Variants in ARHGEF7 observed in about 807,000 individuals in gnomAD.
ARHGEF7 encodes PAK-interacting exchange factor beta.
A neutral mutation model predicts 109.8 loss-of-function variants in ARHGEF7; 33 were observed. That is an observed-to-expected ratio of 0.30 (90% CI 0.23 to 0.40). The LOEUF (loss-of-function observed/expected upper bound fraction) is 0.40. Among genes scored for constraint, ARHGEF7 ranks in the 10% least tolerant of loss-of-function variants. The probability of loss-of-function intolerance (pLI) is 1.00; values close to 1 mark genes in which losing one functional copy is unlikely to be tolerated. For synonymous variants in ARHGEF7, 458 were observed against 424.6 expected (o/e 1.08, Z -0.97); for missense variants, 938 against 1,098.5 (o/e 0.85, Z 2.07).
chr13:111,294,100 C>T (rs1011295601), intron 19 of ARHGEF7: 9 of 985,408 alleles, frequency 9.1e-6, no homozygotes, highest in Non-Finnish European at 1.1e-5. Flanking sequence ...GAGGAGCAGT[C>T]AGAGCCCAGT....
In ARHGEF7 at chr13:111,196,867, G is replaced by A. The variant is rs2080569178; in HGVS notation, c.253-8422G>A. Reference sequence around the variant, plus strand: ...TCCCTCTTACAGAAAAGGTCAAGCTGCAGGATAGTATTGTAATTTATACTT... The same window carrying A: ...TCCCTCTTACAGAAAAGGTCAAGCTACAGGATAGTATTGTAATTTATACTT... On this transcript the variant is annotated intron_variant, in intron 2 of 21. Coordinates refer to ENST00000646102, the MANE Select transcript of ARHGEF7 (RefSeq NM_001354046.2). Among the ~76,000 whole-genome samples, 9 of 152,296 alleles carry A rather than the reference G, an allele frequency of 5.9e-5. 1 individual carries two copies. In the South Asian group the frequency reaches 1.9e-3, roughly 32 times the overall value.
intron 8 of ARHGEF7, among the ~76,000 whole-genome samples, chr13:111,264,982 G>C (rs144115611): frequency 6.6e-6 from 1 of 151,886 alleles, no homozygotes; most frequent in Non-Finnish European, 1.5e-5. Context: ...GGCCCAGCTG[G>C]GCATGGTGGT....
intron 2 of ARHGEF7, among the ~76,000 whole-genome samples, chr13:111,181,731 G>T (rs1460154502): frequency 6.6e-6 from 1 of 152,166 alleles, no homozygotes; most frequent in Non-Finnish European, 1.5e-5. Context: ...CCTGAATAGG[G>T]GGCAGCAGCT....
rs1316579201 is a variant in ARHGEF7, at chr13:111,131,459, G to A, written c.165+15768G>A. On this transcript the variant is annotated intron_variant, in intron 1 of 21. Coordinates refer to ENST00000646102, the MANE Select transcript of ARHGEF7 (RefSeq NM_001354046.2). The surrounding 1 kb of genome is among the most constrained non-coding windows in gnomAD (Gnocchi z 4.4). Reference sequence around the variant, plus strand: ...CCGCATAGAGCTGTTGGAGCTTAGAGGCCCCCTGGACTGAAGCATACACGT... The same window carrying A: ...CCGCATAGAGCTGTTGGAGCTTAGAAGCCCCCTGGACTGAAGCATACACGT... Among the ~76,000 whole-genome samples the A allele has an allele frequency of 6.6e-6, 1 of 152,172 alleles. No homozygotes were observed. The highest frequency in any genetic ancestry group is 1.5e-5 in the Non-Finnish European group (1 of 68,034).
rs1213411979 is a variant in ARHGEF7 at position 111,228,117 on chromosome 13, G to T, written c.671-5088G>T. Among the ~76,000 whole-genome samples, 1 of 152,196 alleles carries T rather than the reference G, an allele frequency of 6.6e-6. No individual in the cohort carries two copies. ...GCACATGAGGTAAGCGTGCAGGTCT[G>T]TGCTCTCTGCTCTCTACTGGCATCC... On this transcript the variant is annotated intron_variant, in intron 5 of 21. Coordinates refer to ENST00000646102, the MANE Select transcript of ARHGEF7 (RefSeq NM_001354046.2). The surrounding 1 kb of genome is among the most constrained non-coding windows in gnomAD (Gnocchi z 4.6).
intron 19 of ARHGEF7, chr13:111,294,997 C>T: frequency 1.0e-6 from 1 of 985,704 alleles, no homozygotes; most frequent in South Asian, 4.7e-5. Flanking sequence ...TAATTGTGCT[C>T]TTTATCTGTG....
At chr13:111,123,587 A>C (rs1284347544) in intron 1 of ARHGEF7, among the ~76,000 whole-genome samples, 2 of 152,168 alleles carry the variant, frequency 1.3e-5, no homozygotes, top group Non-Finnish European at 2.9e-5. Context: ...CTTTGTTTAA[A>C]ATACCCTCTA....
At chr13:111,116,734 CGTAA>C (rs1429024917) in intron 1 of ARHGEF7, among the ~76,000 whole-genome samples, 7 of 152,248 alleles carry the variant, frequency 4.6e-5, no homozygotes, top group East Asian at 1.9e-4. Flanking sequence ...TAAAATGCCA[CGTAA>C]GTGACTTGAA....
intron 2 of ARHGEF7, among the ~76,000 whole-genome samples, chr13:111,194,170 G>T (rs2080230352): frequency 1.3e-5 from 2 of 152,210 alleles, no homozygotes; most frequent in Non-Finnish European, 2.9e-5. Context: ...CGGTTGTGGG[G>T]TTGTCCCACG....
At chr13:111,264,202 G>T (rs2091386433) in intron 8 of ARHGEF7, among the ~76,000 whole-genome samples, 1 of 152,188 alleles carries the variant, frequency 6.6e-6, no homozygotes, top group South Asian at 2.1e-4. Context: ...ACATGGCTTG[G>T]ATGAATTAGA....
At chr13:111,169,281 A>G (rs2077385399) in intron 2 of ARHGEF7, among the ~76,000 whole-genome samples, 1 of 152,180 alleles carries the variant, frequency 6.6e-6, no homozygotes. Context: ...AGACTGGGTA[A>G]TTTATAAAGA....
At chr13:111,292,908 C>T (rs930485922) in intron 19 of ARHGEF7, 46 of 987,052 alleles carry the variant, frequency 4.7e-5, no homozygotes, top group Non-Finnish European at 5.4e-5. Flanking sequence ...CACAGACGGG[C>T]GGGCGTCACG....
chr13:111,262,348 C>T (rs2091183021), intron 8 of ARHGEF7, among the ~76,000 whole-genome samples: 1 of 152,172 alleles, frequency 6.6e-6, no homozygotes, highest in Admixed American at 6.5e-5. Flanking sequence ...CTTTGGTAGT[C>T]AACAAGAGAG....
chr13:111,163,539 T>G (rs1175016934), intron 2 of ARHGEF7, among the ~76,000 whole-genome samples: 2 of 152,194 alleles, frequency 1.3e-5, no homozygotes, highest in African/African-American at 2.4e-5. Flanking sequence ...AAGTTAATTT[T>G]AGTTTTCATT....
intron 8 of ARHGEF7, among the ~76,000 whole-genome samples, chr13:111,264,295 G>A (rs984493562): frequency 3.3e-5 from 5 of 152,222 alleles, no homozygotes; most frequent in Non-Finnish European, 5.9e-5. Context: ...ACGTGGGGCT[G>A]TGAAGCTCTG....
At chr13:111,127,050 C>T (rs759432971) in intron 1 of ARHGEF7, among the ~76,000 whole-genome samples, 2 of 152,034 alleles carry the variant, frequency 1.3e-5, no homozygotes, top group East Asian at 1.9e-4. Context: ...TTAGGAAAAA[C>T]GGGGAAAAGA....
intron 19 of ARHGEF7, chr13:111,292,895 G>A: frequency 2.0e-6 from 2 of 987,660 alleles, no homozygotes; most frequent in Non-Finnish European, 1.2e-6. Context: ...GCCTTGGCAG[G>A]TGCACAGACG....
chr13:111,297,374 T>C (rs1485960442), intron 19 of ARHGEF7, among the ~76,000 whole-genome samples: 1 of 152,222 alleles, frequency 6.6e-6, no homozygotes, highest in Non-Finnish European at 1.5e-5. Flanking sequence ...TACAACATTT[T>C]CCACCTTACA....
At chr13:111,147,690 CTTTTTTTTTTTTT>C (rs11463808) in intron 1 of ARHGEF7, among the ~76,000 whole-genome samples, 1 of 82,350 alleles carries the variant, frequency 1.2e-5, no homozygotes, top group South Asian at 4.9e-4. Context: ...CAGAGGTCAC[CTTTTTTTTTTTTT>C]TTTTTTTTTT....
Sources: allele counts gnomAD v4.1 joint callset (sites outside exome capture counted in the v4.1 genomes callset), GRCh38; gene constraint gnomAD v4.1.1; non-coding constraint Gnocchi (gnomAD v3.1); transcripts MANE v1.5; gene names NCBI Gene and HGNC (gene_info 2026-07-23, HGNC 2026-07-21).